The following CCDC171 variants were observed in gnomAD, a reference collection of about 807,000 sequenced individuals.
The protein encoded by CCDC171 is coiled-coil domain-containing protein 171.
Under a neutral mutation model 168.2 loss-of-function variants are expected in CCDC171, and 177 were observed. That is an observed-to-expected ratio of 1.05 (90% confidence interval 0.93 to 1.19). CCDC171 has a LOEUF of 1.19. Ranked by LOEUF, CCDC171 falls within the 50% of genes most tolerant of loss-of-function variation. The pLI, the probability that CCDC171 is intolerant of heterozygous loss-of-function variation, is 0.00. For synonymous variants in CCDC171, 687 were observed against 540.8 expected, an observed-to-expected ratio of 1.27 and a Z score of -3.75; for missense variants, 1,991 against 1,539.0, an observed-to-expected ratio of 1.29 and a Z score of -4.91.
chr9:15,942,029 T>C (rs1210145297), intron 25 of CCDC171, among the ~76,000 whole-genome samples: 1 of 151,968 alleles, frequency 6.6e-6, no homozygotes, highest in African/African-American at 2.4e-5. Context: ...CTTGGAATAG[T>C]ATTTTCAGCC....
At chr9:15,793,112 T>A (rs535441412) in intron 21 of CCDC171, among the ~76,000 whole-genome samples, 110 of 151,728 alleles carry the variant, frequency 7.2e-4, no homozygotes, top group Non-Finnish European at 1.1e-3. Flanking sequence ...AGGCTCAAAA[T>A]AAAGGGATGG....
chr9:15,914,130 C>A (rs530521130), intron 24 of CCDC171, among the ~76,000 whole-genome samples: 1 of 152,304 alleles, frequency 6.6e-6, no homozygotes. Context: ...GTCAGGGACC[C>A]CCTTGAGGAG....
At chr9:15,866,715 A>G (rs1429331301) in intron 23 of CCDC171, among the ~76,000 whole-genome samples, 1 of 152,052 alleles carries the variant, frequency 6.6e-6, no homozygotes, top group African/African-American at 2.4e-5. Context: ...AAGGCAGTAT[A>G]GCAATTGACA....
chr9:15,920,119 T>A (rs960898034), intron 24 of CCDC171, 151 bp from the exon 25 acceptor site: 12 of 451,828 alleles, frequency 2.7e-5, no homozygotes, highest in African/African-American at 2.4e-4. Context: ...CTGTTCTCAA[T>A]ATAAAATGTT....
chr9:15,614,918 A>G (rs1368715535), intron 6 of CCDC171, among the ~76,000 whole-genome samples: 1 of 152,200 alleles, frequency 6.6e-6, no homozygotes, highest in Non-Finnish European at 1.5e-5. Flanking sequence ...AAATAGATTG[A>G]GTCAATGTCA....
chr9:15,983,817 A>AGTGTGTGTGTGTGTGTGTGTGTGT (rs58951910), intron 3 of CCDC171, among the ~76,000 whole-genome samples: 1 of 142,532 alleles, frequency 7.0e-6, no homozygotes, highest in African/African-American at 2.6e-5. Flanking sequence ...AAATAAAGAG[A>AGTGTGTGTGTGTGTGTGTGTGTGT]GTGTGTGTGT....
chr9:15,903,685 T>C (rs1419343595), intron 24 of CCDC171, among the ~76,000 whole-genome samples: 1 of 152,102 alleles, frequency 6.6e-6, no homozygotes, highest in Non-Finnish European at 1.5e-5. Flanking sequence ...GAGAATGACT[T>C]TGACAAGTTG....
chr9:15,780,489 C>T (rs1404464501), intron 20 of CCDC171, among the ~76,000 whole-genome samples: 5 of 151,956 alleles, frequency 3.3e-5, no homozygotes, highest in Non-Finnish European at 7.4e-5. Context: ...TCAAGACCAA[C>T]CTGGGCAACA....
rs138501628 is a variant in CCDC171 at position 15,669,687 on chromosome 9, T to C, written c.1076+3364T>C. On this transcript the variant is annotated intron_variant, in intron 9 of 25. Coordinates refer to ENST00000380701, the MANE Select transcript of CCDC171 (RefSeq NM_173550.4). ...AATAGTAGGGAGAAAGAGATCATAG[T>C]AATCCTTAGGTATAGTTGAAACATA... Among the ~76,000 whole-genome samples, 207 of 152,272 alleles carry C rather than the reference T, an allele frequency of 1.4e-3. 1 individual carries two copies. Among genetic ancestry groups the C allele is most frequent in the African/African-American group, 4.3e-3 (177 of 41,572 alleles).
At chr9:15,952,641 C>G (rs966486730) in intron 25 of CCDC171, among the ~76,000 whole-genome samples, 1 of 152,150 alleles carries the variant, frequency 6.6e-6, no homozygotes, top group Non-Finnish European at 1.5e-5. Flanking sequence ...AGGTGATCCA[C>G]CTGCCTTGGC....
At chr9:15,924,902 T>C (rs1001350062) in intron 25 of CCDC171, among the ~76,000 whole-genome samples, 2 of 151,582 alleles carry the variant, frequency 1.3e-5, no homozygotes, top group Non-Finnish European at 3.0e-5. Flanking sequence ...CTTTAAACAC[T>C]CATCTCCTTT....
intron 6 of CCDC171, among the ~76,000 whole-genome samples, chr9:15,616,430 T>G (rs954636752): frequency 1.3e-5 from 2 of 151,894 alleles, no homozygotes; most frequent in African/African-American, 4.8e-5. Context: ...CCTAAATAAT[T>G]TATTTTACTA....
the CCDC171 span, among the ~76,000 whole-genome samples, chr9:16,072,503 GGATTATAAAC>G: frequency 3.9e-5 from 6 of 152,160 alleles, no homozygotes; most frequent in East Asian, 1.2e-3. Flanking sequence ...ATCAACAAAT[GGATTATAAAC>G]TAGACAAGAG....
chr9:15,940,430 C>T (rs1414985967), intron 25 of CCDC171, among the ~76,000 whole-genome samples: 2 of 151,800 alleles, frequency 1.3e-5, no homozygotes, highest in Non-Finnish European at 2.9e-5. Flanking sequence ...TTCTCAACTT[C>T]CCACATAAGG....
At chr9:15,830,960 A>G (rs2060204239) in intron 21 of CCDC171, among the ~76,000 whole-genome samples, 1 of 140,370 alleles carries the variant, frequency 7.1e-6, no homozygotes, top group African/African-American at 2.6e-5. Context: ...TCTTATGGCC[A>G]TATCTTAATT....
intron 25 of CCDC171, among the ~76,000 whole-genome samples, chr9:15,947,296 C>T (rs1173309173): frequency 1.3e-5 from 2 of 151,892 alleles, no homozygotes; most frequent in Non-Finnish European, 2.9e-5. Flanking sequence ...TATGTTATGA[C>T]ATCACTAAAT....
chr9:15,587,088 C>T (rs1320419852), intron 4 of CCDC171, among the ~76,000 whole-genome samples: 3 of 152,192 alleles, frequency 2.0e-5, no homozygotes, highest in Non-Finnish European at 2.9e-5. Flanking sequence ...GCTGGGATTA[C>T]ACGTGTGAGC....
chr9:16,015,666 G>A (rs1454195400), intron 3 of CCDC171, among the ~76,000 whole-genome samples: 1 of 152,056 alleles, frequency 6.6e-6, no homozygotes, highest in Non-Finnish European at 1.5e-5. Flanking sequence ...ACCATTTTAA[G>A]TGTAAAGTTC....
At chr9:15,595,539 A>T (rs2042284681) in intron 6 of CCDC171, among the ~76,000 whole-genome samples, 1 of 152,154 alleles carries the variant, frequency 6.6e-6, no homozygotes. Context: ...TTCTTAATCC[A>T]GTCTATCATT....
Sources: allele counts gnomAD v4.1 joint callset (sites outside exome capture counted in the v4.1 genomes callset), GRCh38; gene constraint gnomAD v4.1.1; transcripts MANE v1.5; gene names NCBI Gene and HGNC (gene_info 2026-07-23, HGNC 2026-07-21).